Variants in BIRC6 observed in about 807,000 individuals in gnomAD.
BIRC6 encodes dual E2 ubiquitin-conjugating enzyme/E3 ubiquitin-protein ligase BIRC6.
BIRC6 carries 98 observed loss-of-function variants against 503.3 expected under a neutral mutation model. The ratio of observed to expected loss-of-function variants is 0.19; its 90% CI spans 0.17 to 0.23. The LOEUF (loss-of-function observed/expected upper bound fraction) is 0.23, where lower values mean the gene tolerates loss of function less well. BIRC6 is among the 10% of genes least tolerant of loss of function. The probability of loss-of-function intolerance (pLI) is 1.00; values close to 1 mark genes in which losing one functional copy is unlikely to be tolerated. For missense variants in BIRC6, 5,360 were observed against 5,806.0 expected (o/e 0.92, Z 2.50); for synonymous variants, 2,240 against 2,078.7 (o/e 1.08, Z -2.11).
rs112545733 is a variant in BIRC6 at position 32,370,747 on chromosome 2, A to G, written c.326-6841A>G. On this transcript the variant is annotated intron_variant, in intron 1 of 73. Coordinates refer to ENST00000421745, the MANE Select transcript of BIRC6 (RefSeq NM_016252.4). ...TAGTAGGTGTATATATTTTTGGGTT[A>G]CAGGAGATGTTCTGATACAGGCTTG... Among the ~76,000 whole-genome samples the G allele has an allele frequency of 2.2e-3, 342 of 152,278 alleles. 4 individuals carry two copies. The highest frequency in any genetic ancestry group is 8.0e-3 in the African/African-American group (332 of 41,576).
intron 59 of BIRC6, chr2:32,527,949 A>G (rs1016754876): frequency 1.3e-5 from 2 of 152,206 alleles, no homozygotes; most frequent in Non-Finnish European, 2.9e-5. Flanking sequence ...GGCAGCGTGC[A>G]TTAACAACAG....
intron 68 of BIRC6, among the ~76,000 whole-genome samples, chr2:32,596,669 C>A (rs146943611): frequency 6.6e-6 from 1 of 151,996 alleles, no homozygotes; most frequent in African/African-American, 2.4e-5. Flanking sequence ...ATGTGTGTTT[C>A]TGTTGGACAT....
intron 72 of BIRC6, among the ~76,000 whole-genome samples, chr2:32,608,578 CT>C (rs1329223653): frequency 6.6e-6 from 1 of 151,682 alleles, no homozygotes; most frequent in Non-Finnish European, 1.5e-5. Context: ...CCACGCCTGG[CT>C]AATTTTTTTG....
chr2:32,565,331 A>G (rs933449795), intron 65 of BIRC6: 11 of 152,320 alleles, frequency 7.2e-5, no homozygotes, highest in African/African-American at 2.4e-4. Context: ...TTCAACACAT[A>G]CCTAAATATA....
intron 11 of BIRC6, 85 bp downstream of exon 11, chr2:32,429,380 T>C (rs2043858768): frequency 9.4e-7 from 1 of 1,061,202 alleles, no homozygotes. Context: ...TGTAAACATA[T>C]TAAAGTAAGA....
At chr2:32,579,880 G>T (rs1380443920) in intron 66 of BIRC6, among the ~76,000 whole-genome samples, 1 of 150,472 alleles carries the variant, frequency 6.6e-6, no homozygotes, top group Non-Finnish European at 1.5e-5. Flanking sequence ...TTTAATGTCT[G>T]TGGGCACATA....
intron 55 of BIRC6, among the ~76,000 whole-genome samples, chr2:32,516,511 GTC>G (rs1202225783): frequency 7.7e-6 from 1 of 129,642 alleles, no homozygotes; most frequent in Non-Finnish European, 1.6e-5. Context: ...GCGAGACTCT[GTC>G]TCAAAAAAAA....
intron 61 of BIRC6, among the ~76,000 whole-genome samples, chr2:32,532,827 A>G (rs982247808): frequency 2.6e-5 from 4 of 152,204 alleles, no homozygotes; most frequent in African/African-American, 7.2e-5. Context: ...ATTGCTCAAC[A>G]TAAATGATTT....
chr2:32,546,228 CAAGA>C (rs1339485573), intron 63 of BIRC6, among the ~76,000 whole-genome samples: 1 of 151,884 alleles, frequency 6.6e-6, no homozygotes, highest in East Asian at 1.9e-4. Flanking sequence ...ACAGGAAATT[CAAGA>C]AAGAAAGAAA....
intron 42 of BIRC6, among the ~76,000 whole-genome samples, chr2:32,489,628 A>G (rs975065263): frequency 3.3e-5 from 5 of 152,144 alleles, no homozygotes; most frequent in Non-Finnish European, 5.9e-5. Context: ...CCTGGCCAAC[A>G]TGGTGAAAAA....
intron 8 of BIRC6, among the ~76,000 whole-genome samples, chr2:32,405,804 A>G (rs564594572): frequency 1.6e-4 from 25 of 152,348 alleles, no homozygotes; most frequent in African/African-American, 5.8e-4. Flanking sequence ...CAGTAATAGA[A>G]TAGTTCTTAA....
chr2:32,414,405 G>A (rs758681035), intron 9 of BIRC6, among the ~76,000 whole-genome samples: 2 of 152,100 alleles, frequency 1.3e-5, no homozygotes, highest in African/African-American at 2.4e-5. Flanking sequence ...GGTGGCTCAC[G>A]CCTGTAATCC....
chr2:32,511,196 C>CTTTTCTTTTTTTTTTTTTTTTTTTTTTT (rs2054364108), intron 53 of BIRC6, among the ~76,000 whole-genome samples: 2 of 39,676 alleles, frequency 5.0e-5, no homozygotes, highest in Non-Finnish European at 1.1e-4. Context: ...TTTTTCTTTT[C>CTTTTCTTTTTTTTTTTTTTTTTTTTTTT]TTTTCTTTTT....
chr2:32,573,385 G>A (rs776510580), intron 65 of BIRC6, among the ~76,000 whole-genome samples: 3 of 151,976 alleles, frequency 2.0e-5, no homozygotes, highest in Admixed American at 6.6e-5. Context: ...TAGTAGAGAC[G>A]GGGTTTCACC....
intron 71 of BIRC6, among the ~76,000 whole-genome samples, chr2:32,607,127 C>T (rs1266936705): frequency 6.6e-6 from 1 of 150,478 alleles, no homozygotes; most frequent in African/African-American, 2.4e-5. Flanking sequence ...ATAAACTAAA[C>T]TAAAAAAACG....
At chr2:32,396,513 A>G (rs1174223077) in intron 6 of BIRC6, among the ~76,000 whole-genome samples, 1 of 152,216 alleles carries the variant, frequency 6.6e-6, no homozygotes, top group East Asian at 1.9e-4. Flanking sequence ...GAAAAATTCA[A>G]GTTGTATCTA....
intron 65 of BIRC6, among the ~76,000 whole-genome samples, chr2:32,555,370 G>C (rs2058700365): frequency 6.6e-6 from 1 of 152,130 alleles, no homozygotes; most frequent in African/African-American, 2.4e-5. Context: ...GCCGGGTGAA[G>C]TGGCTCAAGC....
At chr2:32,444,031 G>GTTT (rs776568064) in intron 20 of BIRC6, among the ~76,000 whole-genome samples, 28 of 136,876 alleles carry the variant, frequency 2.0e-4, no homozygotes, top group African/African-American at 7.7e-4. Context: ...GGGACCAGTG[G>GTTT]TTTTTTTTTT....
At chr2:32,377,297 T>C (rs2036948446) in intron 1 of BIRC6, among the ~76,000 whole-genome samples, 1 of 151,304 alleles carries the variant, frequency 6.6e-6, no homozygotes, top group Non-Finnish European at 1.5e-5. Flanking sequence ...GCATATATCA[T>C]GCTCATTTTC....
Sources: gnomAD v4.1 joint callset for allele counts (sites outside exome capture counted in the v4.1 genomes callset) on GRCh38, gnomAD v4.1.1 for gene constraint, MANE v1.5 for transcripts, NCBI Gene and HGNC (gene_info 2026-07-23, HGNC 2026-07-21) for gene names.